The following RSF1 variants were observed in gnomAD, a reference collection of about 807,000 sequenced individuals.
RSF1 encodes the protein remodeling and spacing factor 1, also known as HBV pX-associated protein 8.
A neutral mutation model predicts 145.2 loss-of-function variants in RSF1; 13 were observed. That is an observed-to-expected ratio of 0.09 (90% CI 0.06 to 0.14). RSF1 has a LOEUF of 0.14. Ranked by LOEUF, RSF1 falls within the 10% of genes least tolerant of loss-of-function variation. The pLI is 1.00. For synonymous variants in RSF1, 577 were observed against 592.6 expected, an observed-to-expected ratio of 0.97 and a Z score of 0.38; for missense variants, 1,517 against 1,718.2, an observed-to-expected ratio of 0.88 and a Z score of 2.07.
chr11:77,794,598 G>T (rs563435485), intron 1 of RSF1, among the ~76,000 whole-genome samples: 1 of 151,438 alleles, frequency 6.6e-6, no homozygotes, highest in East Asian at 1.9e-4. Flanking sequence ...ACAACCACCG[G>T]GTCAATGAAG....
At chr11:77,772,848 G>GAAAAAAAAAAAA in intron 1 of RSF1, among the ~76,000 whole-genome samples, 1 of 85,194 alleles carries the variant, frequency 1.2e-5, no homozygotes, top group Non-Finnish European at 2.2e-5. Flanking sequence ...GCCCAAGATG[G>GAAAAAAAAAAAA]AAAAAAAAAA....
intron 4 of RSF1, among the ~76,000 whole-genome samples, chr11:77,740,276 G>C (rs1961476236): frequency 1.3e-5 from 2 of 152,242 alleles, no homozygotes; most frequent in Admixed American, 1.3e-4. Context: ...TTGGGAGGCT[G>C]AGGCAGGAGA....
chr11:77,692,118 T>C (rs902469016), intron 8 of RSF1, among the ~76,000 whole-genome samples: 1 of 152,078 alleles, frequency 6.6e-6, no homozygotes, highest in Non-Finnish European at 1.5e-5. Flanking sequence ...CTTGAATTCC[T>C]GGCCTCAAGT....
intron 3 of RSF1, among the ~76,000 whole-genome samples, chr11:77,742,877 CG>C (rs1947956552): frequency 6.6e-6 from 1 of 151,996 alleles, no homozygotes; most frequent in African/African-American, 2.4e-5. Flanking sequence ...TTTATACTTT[CG>C]GGTCTATATG....
chr11:77,828,089 A>G, the RSF1 span, among the ~76,000 whole-genome samples: 2 of 152,108 alleles, frequency 1.3e-5, no homozygotes, highest in Non-Finnish European at 1.5e-5. Flanking sequence ...CCTGGCCAAC[A>G]TGGTGAAACT....
intron 3 of RSF1, among the ~76,000 whole-genome samples, chr11:77,744,603 C>T (rs1245224029): frequency 2.0e-5 from 3 of 152,216 alleles, no homozygotes; most frequent in Non-Finnish European, 4.4e-5. Flanking sequence ...CTGTACCTGG[C>T]CATGTATCAC....
At position 77,702,436 on chromosome 11, in the gene RSF1, G is replaced by A. The variant is rs202076715; in HGVS notation, c.793C>T (p.Arg265Cys). The A allele has an allele frequency of 2.8e-4, 441 of 1,578,362 alleles. 1 individual carries two copies. Among genetic ancestry groups the A allele is most frequent in the Non-Finnish European group, 3.6e-4 (416 of 1,170,786 alleles). The change falls in exon 6 of 16, where the codon CGT becomes TGT. Residue 265 changes from arginine (R) to cysteine (C), a missense_variant. Coordinates refer to ENST00000308488, the MANE Select transcript of RSF1 (RefSeq NM_016578.4). ...SEEQPMDLEN[R>C]STANVLEETT... ...TCTTCTAGAACATTGGCTGTAGAAC[G>A]GTTTTCTAAATCCATAGGCTGCTCC...
intron 7 of RSF1, 112 bp from the exon 8 acceptor site, chr11:77,693,723 A>G (rs571795362): frequency 1.5e-4 from 67 of 444,598 alleles, no homozygotes; most frequent in Non-Finnish European, 2.5e-4. Flanking sequence ...CTATTTGCAT[A>G]AAGCTAGTAA....
In RSF1 at chr11:77,702,415, C is replaced by T; in HGVS notation, c.814G>A (p.Glu272Lys). 1.9e-6 allele frequency: 3 copies of T among 1,599,148 alleles called. No homozygotes were observed. Among genetic ancestry groups the T allele is most frequent in the Non-Finnish European group, 2.5e-6 (3 of 1,176,660 alleles). Residue 272 changes from glutamate (E) to lysine (K), a missense_variant, in exon 6 of 16, where the codon GAA (glutamate) becomes AAA (lysine). This residue lies in a region of RSF1 where 207 missense variants were observed against 191.4 expected (regional missense o/e 1.08). Coordinates refer to ENST00000308488, the MANE Select transcript of RSF1 (RefSeq NM_016578.4). The stretch of plus-strand genomic sequence containing the variant: ...TTTTCTTTTTTCACAGTAGTCTCTT[C>T]TAGAACATTGGCTGTAGAACGGTTT... The part of the protein sequence containing the change: ...LENRSTANVL[E>K]ETTVKKEKED...
chr11:77,755,345 A>C (rs78083405), intron 2 of RSF1, among the ~76,000 whole-genome samples: 2,218 of 152,284 alleles, frequency 0.015, 56 homozygotes, highest in African/African-American at 0.049. Flanking sequence ...GGGTGAATGG[A>C]AAGAAAAATC....
intron 2 of RSF1, among the ~76,000 whole-genome samples, chr11:77,757,439 G>T (rs1305191085): frequency 6.6e-6 from 1 of 152,160 alleles, no homozygotes; most frequent in Non-Finnish European, 1.5e-5. Flanking sequence ...CAGCACTTTG[G>T]GAGGCCAAGG....
the RSF1 span, among the ~76,000 whole-genome samples, chr11:77,857,796 A>G: frequency 1.3e-5 from 2 of 151,362 alleles, no homozygotes; most frequent in Admixed American, 1.3e-4. Flanking sequence ...TCCCAGGTTC[A>G]AGTGATTCTC....
intron 4 of RSF1, among the ~76,000 whole-genome samples, chr11:77,738,474 C>T (rs571477546): frequency 1.3e-5 from 2 of 152,264 alleles, no homozygotes; most frequent in South Asian, 2.1e-4. Context: ...ATAGGTTATA[C>T]ACAAATATTA....
chr11:77,766,822 G>T (rs1948231075), intron 1 of RSF1, among the ~76,000 whole-genome samples: 2 of 151,862 alleles, frequency 1.3e-5, no homozygotes, highest in South Asian at 2.1e-4. Flanking sequence ...ATTAACAAAA[G>T]AAGTTTTTAT....
chr11:77,837,508 G>A, the RSF1 span, among the ~76,000 whole-genome samples: 2 of 152,046 alleles, frequency 1.3e-5, no homozygotes, highest in Non-Finnish European at 2.9e-5. Flanking sequence ...AGGCTGGAGT[G>A]CAGTGGTGCG....
intron 1 of RSF1, among the ~76,000 whole-genome samples, chr11:77,802,908 CGCCTCTCCAGT>C (rs1948640440): frequency 1.3e-5 from 2 of 152,068 alleles, no homozygotes; most frequent in South Asian, 4.1e-4. Flanking sequence ...TGATATATAG[CGCCTCTCCAGT>C]GCCTCTCACT....
chr11:77,792,306 T>C (rs1185320146), intron 1 of RSF1, among the ~76,000 whole-genome samples: 1 of 152,158 alleles, frequency 6.6e-6, no homozygotes, highest in East Asian at 1.9e-4. Context: ...CACATGGGAA[T>C]TCAAGATGAG....
At chr11:77,756,736 G>C (rs867097349) in intron 2 of RSF1, among the ~76,000 whole-genome samples, 1 of 152,148 alleles carries the variant, frequency 6.6e-6, no homozygotes, top group Non-Finnish European at 1.5e-5. Flanking sequence ...CGGCAAAGTG[G>C]GTATGTGCTT....
chr11:77,681,121 T>C (rs767046555), intron 11 of RSF1, among the ~76,000 whole-genome samples: 1 of 152,238 alleles, frequency 6.6e-6, no homozygotes, highest in Non-Finnish European at 1.5e-5. Context: ...ATATCCCAGA[T>C]GCAGAGCTTC....
Sources: allele counts gnomAD v4.1 joint callset (sites outside exome capture counted in the v4.1 genomes callset), GRCh38; gene constraint gnomAD v4.1.1; regional missense constraint gnomAD v4.1.1; transcripts MANE v1.5; gene names NCBI Gene and HGNC (gene_info 2026-07-23, HGNC 2026-07-21).